Variants in ASIP observed in about 807,000 individuals in gnomAD.
ASIP encodes agouti signaling protein.
ASIP carries 11 observed loss-of-function variants against 10.3 expected under a neutral mutation model. That is an observed-to-expected ratio of 1.07 (90% CI 0.68 to 1.78). The LOEUF is 1.78. Among genes scored for constraint, ASIP ranks in the 40% most tolerant of loss-of-function variants. The probability of loss-of-function intolerance (pLI) is 0.00; values close to 1 mark genes in which losing one functional copy is unlikely to be tolerated. For missense variants in ASIP, 180 were observed against 169.2 expected, an observed-to-expected ratio of 1.06 and a Z score of -0.35; for synonymous variants, 70 against 70.8, an observed-to-expected ratio of 0.99 and a Z score of 0.06.
chr20:34,200,589 G>A (rs1438567580), intron 1 of ASIP, among the ~76,000 whole-genome samples: 1 of 152,240 alleles, frequency 6.6e-6, no homozygotes, highest in Non-Finnish European at 1.5e-5. Flanking sequence ...TGCATTGCAC[G>A]TTGGATGAGC....
chr20:34,241,507 C>G lies in ASIP; in HGVS notation c.-11+18C>G, dbSNP rs1288175321. The G allele has an allele frequency of 1.0e-6, 1 of 985,312 alleles. No individual in the cohort carries two copies. The highest frequency in any genetic ancestry group is 1.2e-6 in the Non-Finnish European group (1 of 829,934). 61.0% of individuals were successfully genotyped at this position (985,312 alleles called of 1,614,324 possible). ...GAAAGCATGTGAGTTTAGATGGCAA[C>G]TTTAATCTGCTTTCAGGAGTGAAGC... On this transcript the variant is annotated intron_variant, in intron 1 of 3. Transcript: ENST00000374954.
At chr20:34,215,217 C>G (rs1320767360) in intron 1 of ASIP, 4 of 1,594,256 alleles carry the variant, frequency 2.5e-6, no homozygotes, top group Non-Finnish European at 3.4e-6. Flanking sequence ...TATTTATAAA[C>G]CTATCATTGG....
upstream of ASIP, among the ~76,000 whole-genome samples, chr20:34,192,653 A>G: frequency 6.6e-6 from 1 of 152,056 alleles, no homozygotes; most frequent in Non-Finnish European, 1.5e-5. Flanking sequence ...AATGGCAGAC[A>G]CTACAGAAAA....
intron 1 of ASIP, among the ~76,000 whole-genome samples, chr20:34,233,784 G>A (rs558514489): frequency 2.6e-5 from 4 of 152,192 alleles, no homozygotes; most frequent in South Asian, 4.2e-4. Flanking sequence ...ACAATGATGT[G>A]GCCACAATTG....
chr20:34,264,599 G>A (rs949016989), intron 3 of ASIP, among the ~76,000 whole-genome samples: 14 of 152,134 alleles, frequency 9.2e-5, no homozygotes, highest in Admixed American at 1.3e-4. Flanking sequence ...ACTATAGGTT[G>A]AGGTCTGAAG....
chr20:34,253,453 T>G (rs2035515845), intron 1 of ASIP, among the ~76,000 whole-genome samples: 1 of 147,304 alleles, frequency 6.8e-6, no homozygotes, highest in East Asian at 2.0e-4. Context: ...TTTATTTTAT[T>G]TATTTATTTA....
At chr20:34,247,645 G>C (rs2035402433) in intron 1 of ASIP, among the ~76,000 whole-genome samples, 1 of 151,350 alleles carries the variant, frequency 6.6e-6, no homozygotes, top group African/African-American at 2.4e-5. Flanking sequence ...GTCTCATTCT[G>C]TTCCCCAAAC....
At chr20:34,241,062 G>A (rs181141097), upstream of ASIP, among the ~76,000 whole-genome samples, 20 of 152,232 alleles carry the variant, frequency 1.3e-4, no homozygotes, top group Non-Finnish European at 2.4e-4. Flanking sequence ...GCTCTGCTTT[G>A]GCGACCCTTA....
In ASIP at chr20:34,222,648, G is replaced by GTCTCCC. The variant is rs1277120761; in HGVS notation, c.-11+27901_-11+27906dup. Among the ~76,000 whole-genome samples the GTCTCCC allele has an allele frequency of 1.3e-4, 19 of 143,626 alleles. No homozygotes were observed. The South Asian group carries it at 1.7e-3, about 13-fold the overall frequency. The allele number at this position is 143,626 out of a possible 152,430, so 94.2% of individuals were successfully genotyped here. A position where few individuals can be genotyped will look rare whatever the true frequency, so the allele number is the denominator to read the frequency against. On this transcript the variant is annotated intron_variant, in intron 1 of 3. Transcript: ENST00000568305. ...TTACTCCCTCTCCCTCTCCCTCTCC[G>GTCTCCC]TCTCCCTCTCCCTCTCCCCACGGTC...
intron 1 of ASIP, among the ~76,000 whole-genome samples, chr20:34,198,596 C>G (rs2034873573): frequency 6.6e-6 from 1 of 152,046 alleles, no homozygotes; most frequent in Non-Finnish European, 1.5e-5. Context: ...AAGTGATCCT[C>G]CCCCTCAGGT....
chr20:34,265,037 C>T (rs116493048), intron 3 of ASIP, among the ~76,000 whole-genome samples: 16 of 152,184 alleles, frequency 1.1e-4, no homozygotes, highest in African/African-American at 3.6e-4. Context: ...TTCAGGCAAT[C>T]CGCTGCTTCT....
intron 1 of ASIP, among the ~76,000 whole-genome samples, chr20:34,243,753 G>A (rs1428642504): frequency 2.3e-5 from 3 of 132,488 alleles, no homozygotes; most frequent in African/African-American, 1.0e-4. Context: ...TTCTAATATT[G>A]TATTTAAAAA....
chr20:34,245,012 C>A (rs1429333786), intron 1 of ASIP, among the ~76,000 whole-genome samples: 2 of 152,100 alleles, frequency 1.3e-5, no homozygotes, highest in African/African-American at 4.8e-5. Flanking sequence ...CATAAAAAGT[C>A]TACCGGGTTT....
chr20:34,190,079 T>A (rs2034815912), upstream of ASIP, among the ~76,000 whole-genome samples: 1 of 152,178 alleles, frequency 6.6e-6, no homozygotes, highest in Non-Finnish European at 1.5e-5. Context: ...TCTTCACCAA[T>A]AGCCTAGGCA....
intron 1 of ASIP, among the ~76,000 whole-genome samples, chr20:34,197,412 C>T (rs2034865560): frequency 1.3e-5 from 2 of 152,220 alleles, no homozygotes; most frequent in Admixed American, 1.3e-4. Context: ...AGGTCTTACG[C>T]ATTTTCACTC....
chr20:34,264,009 T>C lies in ASIP; in HGVS notation c.222+1116T>C, dbSNP rs1218358490. On this transcript the variant is annotated intron_variant, in intron 3 of 3. Transcript: ENST00000374954. ...GGAAAATATTTTTGAAGATTGACAA[T>C]TAGAAAAAACAGGTGAATCTTGTTA... 2.6e-5 allele frequency among the ~76,000 whole-genome samples: 4 copies of C among 151,992 alleles called. No homozygotes were observed. The East Asian group carries it at 5.8e-4, about 22-fold the overall frequency.
intron 1 of ASIP, among the ~76,000 whole-genome samples, chr20:34,211,918 A>G (rs2034977441): frequency 6.6e-6 from 1 of 152,176 alleles, no homozygotes; most frequent in South Asian, 2.1e-4. Flanking sequence ...TTGAATCTGT[A>G]ACCAGATAAA....
intron 1 of ASIP, among the ~76,000 whole-genome samples, chr20:34,201,017 C>CTTCCTTCCTTCCTTCTTTCTTTCTTTCT (rs751841818): frequency 3.5e-4 from 22 of 63,374 alleles, no homozygotes; most frequent in Non-Finnish European, 5.2e-4. Flanking sequence ...TCCTTCCTTC[C>CTTCCTTCCTTCCTTCTTTCTTTCTTTCT]TTCTTTCTTT....
At chr20:34,227,707 G>T (rs868583415) in intron 1 of ASIP, among the ~76,000 whole-genome samples, 8 of 151,792 alleles carry the variant, frequency 5.3e-5, no homozygotes, top group African/African-American at 1.9e-4. Context: ...GTTCTCCCCA[G>T]GTTTATCAAT....
Sources: allele counts gnomAD v4.1 joint callset (sites outside exome capture counted in the v4.1 genomes callset), GRCh38; gene constraint gnomAD v4.1.1; transcripts MANE v1.5; gene names NCBI Gene and HGNC (gene_info 2026-07-23, HGNC 2026-07-21).